BLTP2: variants seen among roughly 807,000 people sequenced by gnomAD.
BLTP2 encodes the protein bridge-like lipid transfer protein family member 2, also known as U937-associated antigen.
chr17:28,616,957 G>A, the BLTP2 span: 2 of 1,613,980 alleles, frequency 1.2e-6, no homozygotes, highest in African/African-American at 2.7e-5. The surrounding 1 kb of genome is among the most constrained non-coding windows in gnomAD (Gnocchi z 4.8). Context: ...CGGAGAGCTA[G>A]CTGTCGCCCA....
chr17:28,634,564 A>C, the BLTP2 span: 1 of 1,614,154 alleles, frequency 6.2e-7, no homozygotes, highest in Admixed American at 1.7e-5. Context: ...CCACTGAATG[A>C]CAAGATCTAA....
chr17:28,625,802 G>C, the BLTP2 span, among the ~76,000 whole-genome samples: 3 of 151,834 alleles, frequency 2.0e-5, no homozygotes, highest in East Asian at 3.9e-4. Context: ...TTTCACTCTT[G>C]TTGCCCAGGC....
the BLTP2 span, chr17:28,645,087 G>A: frequency 3.9e-6 from 6 of 1,557,318 alleles, no homozygotes; most frequent in South Asian, 2.3e-5. Flanking sequence ...GCTTGGCCCC[G>A]GCCCCCGCCA....
At chr17:28,626,549 T>C in the BLTP2 span, among the ~76,000 whole-genome samples, 1 of 152,196 alleles carries the variant, frequency 6.6e-6, no homozygotes, top group Non-Finnish European at 1.5e-5. Context: ...TAGAGGGTTA[T>C]AATTTTCAGC....
At chr17:28,635,113 G>C in the BLTP2 span, 3 of 1,613,644 alleles carry the variant, frequency 1.9e-6, no homozygotes, top group Admixed American at 5.0e-5. Context: ...AAACTCCACC[G>C]AGACTGAGCC....
the BLTP2 span, among the ~76,000 whole-genome samples, chr17:28,636,229 G>C: frequency 6.6e-6 from 1 of 152,128 alleles, no homozygotes; most frequent in African/African-American, 2.4e-5. Context: ...CTCTAAAAAG[G>C]AAACTCTTCA....
chr17:28,644,028 C>A, the BLTP2 span: 1 of 1,611,728 alleles, frequency 6.2e-7, no homozygotes, highest in Non-Finnish European at 8.5e-7. Context: ...ATCAACCCTA[C>A]ACACATATCC....
chr17:28,640,893 G>A, the BLTP2 span, among the ~76,000 whole-genome samples: 1 of 152,252 alleles, frequency 6.6e-6, no homozygotes, highest in African/African-American at 2.4e-5. Flanking sequence ...AGTACAAGGA[G>A]CAGGTTGGTA....
chr17:28,614,781 C>A, the BLTP2 span: 3 of 234,834 alleles, frequency 1.3e-5, no homozygotes, highest in East Asian at 2.6e-4. Context: ...TATCCCCCTA[C>A]CCTTTCACTT....
At chr17:28,642,848 C>G in the BLTP2 span, 1 of 1,354,216 alleles carries the variant, frequency 7.4e-7, no homozygotes, top group Non-Finnish European at 1.1e-6. Context: ...ACGGCTAGAT[C>G]CTCTGCTCCC....
At chr17:28,635,621 A>G in the BLTP2 span, 1 of 1,597,808 alleles carries the variant, frequency 6.3e-7, no homozygotes. Context: ...TTTAGGGAGC[A>G]GAAGAAAAGG....
chr17:28,631,404 T>C, the BLTP2 span: 1 of 1,375,034 alleles, frequency 7.3e-7, no homozygotes, highest in Non-Finnish European at 1.0e-6. Flanking sequence ...TCTGGTATTT[T>C]GTTATGGCAG....
chr17:28,637,963 C>T, the BLTP2 span: 1 of 1,614,084 alleles, frequency 6.2e-7, no homozygotes, highest in Non-Finnish European at 8.5e-7. Flanking sequence ...GTGGACCCAT[C>T]AGGGATAAGA....
At chr17:28,635,287 T>G in the BLTP2 span, 1 of 1,614,200 alleles carries the variant, frequency 6.2e-7, no homozygotes, top group Non-Finnish European at 8.5e-7. Flanking sequence ...ACAGTATGCC[T>G]GCAGGGAACC....
chr17:28,630,470 T>G, the BLTP2 span, among the ~76,000 whole-genome samples: 13 of 143,622 alleles, frequency 9.1e-5, no homozygotes, highest in Non-Finnish European at 1.7e-4. Context: ...CCACTGTTTT[T>G]TTTTTTTTTT....
chr17:28,642,021 T>C, the BLTP2 span: 4 of 1,614,092 alleles, frequency 2.5e-6, 1 homozygote, highest in South Asian at 2.2e-5. Flanking sequence ...CGACTGCTAA[T>C]GCCCACCTTT....
chr17:28,637,021 C>A, the BLTP2 span: 1 of 1,614,202 alleles, frequency 6.2e-7, no homozygotes, highest in Non-Finnish European at 8.5e-7. Context: ...AGGCTGAGCA[C>A]TGGGGTAGGG....
chr17:28,643,286 C>T, the BLTP2 span: 1 of 1,614,184 alleles, frequency 6.2e-7, no homozygotes, highest in Non-Finnish European at 8.5e-7. Flanking sequence ...ATACGCACTT[C>T]TCCAAAGCAC....
At chr17:28,631,398 G>T in the BLTP2 span, 3 of 1,305,364 alleles carry the variant, frequency 2.3e-6, no homozygotes, top group Non-Finnish European at 3.3e-6. Context: ...CCAGTCTCTG[G>T]TATTTTGTTA....
Sources: gnomAD v4.1 joint callset for allele counts (sites outside exome capture counted in the v4.1 genomes callset) on GRCh38, gnomAD v4.1.1 for gene constraint, Gnocchi (gnomAD v3.1) non-coding constraint, MANE v1.5 for transcripts, NCBI Gene and HGNC (gene_info 2026-07-23, HGNC 2026-07-21) for gene names.